Variants in GANAB observed in about 807,000 individuals in gnomAD.
GANAB encodes neutral alpha-glucosidase AB.
GANAB carries 35 observed loss-of-function variants against 129.9 expected under a neutral mutation model. The ratio of observed to expected loss-of-function variants is 0.27; its 90% CI spans 0.21 to 0.36. GANAB has a LOEUF of 0.36. Ranked by LOEUF, GANAB falls within the 10% of genes least tolerant of loss-of-function variation. The pLI, the probability that GANAB is intolerant of heterozygous loss-of-function variation, is 1.00. For missense variants in GANAB, 939 were observed against 1,221.0 expected (o/e 0.77, Z 3.44); for synonymous variants, 482 against 451.8 (o/e 1.07, Z -0.85).
chr11:62,626,485 AGAGG>A, intron 21 of GANAB, 38 bp from the exon 22 acceptor site: 1 of 1,526,258 alleles, frequency 6.6e-7, no homozygotes, highest in Non-Finnish European at 9.1e-7. Flanking sequence ...CCTGAGCCCA[AGAGG>A]GAGTGAGGGG....
intron 13 of GANAB, 58 bp from the exon 14 acceptor site, chr11:62,630,015 A>G: frequency 6.4e-7 from 1 of 1,569,032 alleles, no homozygotes; most frequent in Non-Finnish European, 8.8e-7. Context: ...GAAGACAAAC[A>G]GTGTCAGAGA....
At position 62,625,749 on chromosome 11, in the gene GANAB, G is replaced by C. The variant is rs754829169; in HGVS notation, c.*66C>G. 1.9e-6 allele frequency: 2 copies of C among 1,036,424 alleles called. No individual in the cohort carries two copies. Among genetic ancestry groups the C allele is most frequent in the Non-Finnish European group, 3.0e-6 (2 of 660,780 alleles). The allele number at this position is 1,036,424 out of a possible 1,614,324, so 64.2% of individuals were successfully genotyped here. A position where few individuals can be genotyped will look rare whatever the true frequency, so the allele number is the denominator to read the frequency against. ...CTGGGGAGGGCCGAACTCCAAGGCA[G>C]AAGAAAGAATATCTCTCAGCACTAA... is the stretch of plus-strand genomic sequence containing the variant. On this transcript the variant is annotated 3_prime_UTR_variant, in exon 24 of 24. Coordinates refer to ENST00000356638, the MANE Select transcript of GANAB (RefSeq NM_198334.3).
In GANAB at chr11:62,625,769, C is replaced by T. The variant is rs753825555; in HGVS notation, c.*46G>A. On this transcript the variant is annotated 3_prime_UTR_variant, in exon 24 of 24. Transcript: ENST00000356638. The stretch of plus-strand genomic sequence containing the variant: ...AGGCAGAAGAAAGAATATCTCTCAG[C>T]ACTAATGCTCCCCTTCCCTCCCCCT... The T allele has an allele frequency of 5.2e-6, 6 of 1,146,482 alleles. No homozygotes were observed. The highest frequency in any genetic ancestry group is 7.9e-6 in the Non-Finnish European group (6 of 755,710). 71.0% of individuals were successfully genotyped at this position (1,146,482 alleles called of 1,614,324 possible). A position where few individuals can be genotyped will look rare whatever the true frequency, so the allele number is the denominator to read the frequency against.
chr11:62,640,121 C>A, intron 1 of GANAB: 2 of 169,126 alleles, frequency 1.2e-5, no homozygotes, highest in Non-Finnish European at 1.2e-5. Flanking sequence ...CCTGAAGTCC[C>A]AGCTACTCGG....
chr11:62,642,725 G>A (rs55979088), intron 1 of GANAB, among the ~76,000 whole-genome samples: 6,546 of 151,952 alleles, frequency 0.043, 475 homozygotes, highest in African/African-American at 0.15. Flanking sequence ...GTGTCATCGC[G>A]CCCCACTGGC....
chr11:62,641,268 C>T lies in GANAB; in HGVS notation c.39-1537G>A, dbSNP rs573816793. 3.4e-5 allele frequency among the ~76,000 whole-genome samples: 5 copies of T among 146,494 alleles called. No homozygotes were observed. The South Asian group carries it at 6.6e-4, about 19-fold the overall frequency. ...CTGAGGCATGAGAATCGCTTGAACC[C>T]GGGAGGCAGAGGTTGCAGTGAGCCA... On this transcript the variant is annotated intron_variant, in intron 1 of 23. Coordinates refer to ENST00000356638, the MANE Select transcript of GANAB (RefSeq NM_198334.3).
chr11:62,637,032 A>G (rs756929367), intron 4 of GANAB, among the ~76,000 whole-genome samples: 1 of 152,124 alleles, frequency 6.6e-6, no homozygotes, highest in Non-Finnish European at 1.5e-5. Flanking sequence ...ACATCTAAAT[A>G]CATTAAAATT....
Position 62,628,804 on chromosome 11 carries a change from T to C in GANAB, c.2145A>G (p.Leu715=), listed in dbSNP as rs767207455. Residue 715 remains leucine (L), a synonymous_variant, in exon 17 of 24, where the codon TTA becomes TTG. Transcript: ENST00000356638. The part of the protein sequence containing the change: ...YSLLPFWYTL[L]YQAHREGIPV... ...GAATGCCTTCCCGATGGGCCTGATATAAGAGGGTGTACCAGAAGGGCAGCA... is the reference window on the plus strand; with the variant it reads ...GAATGCCTTCCCGATGGGCCTGATACAAGAGGGTGTACCAGAAGGGCAGCA... 3 of 1,613,920 alleles carry C rather than the reference T, an allele frequency of 1.9e-6. No individual in the cohort carries two copies. The highest frequency in any genetic ancestry group is 2.5e-6 in the Non-Finnish European group (3 of 1,180,014).
At chr11:62,634,341 T>G in intron 5 of GANAB, 1 of 1,612,114 alleles carries the variant, frequency 6.2e-7, no homozygotes, top group Non-Finnish European at 8.5e-7. Context: ...TTATCCCATA[T>G]GCTACCAAGC....
intron 18 of GANAB, 62 bp from the exon 19 acceptor site, chr11:62,627,186 A>T (rs1943432767): frequency 1.1e-5 from 17 of 1,486,506 alleles, no homozygotes; most frequent in Non-Finnish European, 1.6e-5. Context: ...GGAACACCAA[A>T]GTGCCTGCCC....
intron 1 of GANAB, among the ~76,000 whole-genome samples, chr11:62,645,144 T>C (rs1944420665): frequency 6.6e-6 from 1 of 152,128 alleles, no homozygotes; most frequent in African/African-American, 2.4e-5. Flanking sequence ...TAGCAAGGCA[T>C]GCGGCACAGG....
chr11:62,626,111 C>G lies in GANAB; in HGVS notation c.2679G>C (p.Val893=). ...CTGCTGGCTTTCCAGCCCCTATTAT[C>G]ACCACCCGCTCAATCCAGATTGGTG... ...FETPIWIERV[V]IIGAGKPAAV... is the part of the protein sequence containing the mutation. Residue 893 remains valine, a synonymous_variant, in exon 23 of 24, where the codon GTG becomes GTC. Transcript: ENST00000356638. The G allele has an allele frequency of 6.2e-7, 1 of 1,614,090 alleles. No homozygotes were observed. Among genetic ancestry groups the G allele is most frequent in the Non-Finnish European group, 8.5e-7 (1 of 1,179,906 alleles).
Position 62,632,568 on chromosome 11 carries a change from C to T in GANAB, c.993G>A (p.Gly331=), listed in dbSNP as rs771195028. 3 of 1,613,204 alleles carry T rather than the reference C, an allele frequency of 1.9e-6. No individual in the cohort carries two copies. In the East Asian group the frequency reaches 6.7e-5, roughly 36 times the overall value. The change falls in exon 9 of 24, where the codon GGG becomes GGA. Residue 331 remains glycine, a synonymous_variant. Transcript: ENST00000356638. ...TWVDISSNTA[G]KTLFGKMMDY... ...TTCCCCGTGCCTGTGCTCTCACCTT[C>T]CCGGCAGTGTTGGAAGATATATCAA...
chr11:62,639,255 C>T, intron 3 of GANAB, 104 bp downstream of exon 3: 1 of 1,295,872 alleles, frequency 7.7e-7, no homozygotes, highest in South Asian at 1.2e-5. Flanking sequence ...AGTAAAAGTC[C>T]AAAGATTAGG....
chr11:62,625,666 C>A lies in GANAB; in HGVS notation c.*149G>T, dbSNP rs1943335263. 1.6e-6 allele frequency: 1 copy of A among 634,654 alleles called. No homozygotes were observed. The allele number at this position is 634,654 out of a possible 1,614,324, so 39.3% of individuals were successfully genotyped here. On this transcript the variant is annotated 3_prime_UTR_variant, in exon 24 of 24. Coordinates refer to ENST00000356638, the MANE Select transcript of GANAB (RefSeq NM_198334.3). ...GAGGAATTTGGAGCCCAGGGTCAGC[C>A]CTCTCATCCTGCCCAAATGTTGGCA...
Position 62,633,441 on chromosome 11 carries a change from T to C in GANAB, c.630+4A>G, listed in dbSNP as rs2134496789. The C allele has an allele frequency of 6.2e-7, 1 of 1,613,732 alleles. No homozygotes were observed. The highest frequency in any genetic ancestry group is 8.5e-7 in the Non-Finnish European group (1 of 1,179,860). On this transcript the variant is annotated splice_donor_region_variant and intron_variant, in intron 6 of 23. Coordinates refer to ENST00000356638, the MANE Select transcript of GANAB (RefSeq NM_198334.3). The stretch of plus-strand genomic sequence containing the variant: ...CCTCCAACCACCCACCCGCTCCAAC[T>C]TGCCTTGTCGCCATCCCTGGGTGTT...
At chr11:62,644,883 A>G (rs1167975523) in intron 1 of GANAB, among the ~76,000 whole-genome samples, 1 of 152,156 alleles carries the variant, frequency 6.6e-6, no homozygotes, top group East Asian at 1.9e-4. Context: ...TAAGGTAACT[A>G]AAGACAGGGT....
intron 8 of GANAB, 124 bp downstream of exon 8, chr11:62,632,881 G>A: frequency 2.1e-6 from 2 of 973,516 alleles, no homozygotes; most frequent in Admixed American, 1.9e-5. Flanking sequence ...TATCACCAAA[G>A]GTGATTCTGG....
At position 62,634,929 on chromosome 11, in the gene GANAB, A is replaced by G; in HGVS notation, c.452T>C (p.Leu151Ser). ...TMAEGPYKIILTARPFRLDLL... is the reference protein window; with the variant it reads ...TMAEGPYKIISTARPFRLDLL... ...GTCAAGGCGGAATGGCCGTGCTGTC[A>G]AGATGATCTTGTAGGGTCCCTCAGC... The change falls in exon 5 of 24, where the codon TTG (leucine) becomes TCG (serine). Residue 151 changes from leucine (L) to serine (S), a missense_variant. Leu to Ser is a moderately radical substitution (Grantham distance 145, BLOSUM62 -2). Transcript: ENST00000356638. 6.2e-7 allele frequency: 1 copy of G among 1,613,750 alleles called. No homozygotes were observed. Among genetic ancestry groups the G allele is most frequent in the Non-Finnish European group, 8.5e-7 (1 of 1,179,622 alleles).
Sources: allele counts gnomAD v4.1 joint callset (sites outside exome capture counted in the v4.1 genomes callset), GRCh38; gene constraint gnomAD v4.1.1; transcripts MANE v1.5; gene names NCBI Gene and HGNC (gene_info 2026-07-23, HGNC 2026-07-21).